DNAH5: variants seen among roughly 807,000 people sequenced by gnomAD.
DNAH5 encodes the protein axonemal beta dynein heavy chain 5.
In DNAH5, 372 loss-of-function variants were observed where a neutral mutation model predicts 518.2. The ratio of observed to expected loss-of-function variants is 0.72; its 90% CI spans 0.66 to 0.78. The LOEUF (loss-of-function observed/expected upper bound fraction) is 0.78. Ranked by LOEUF, DNAH5 falls within the 30% of genes least tolerant of loss-of-function variation. The pLI, the probability that DNAH5 is intolerant of heterozygous loss-of-function variation, is 0.00. For synonymous variants in DNAH5, 2,039 were observed against 2,025.9 expected (o/e 1.01, Z -0.17); for missense variants, 5,523 against 5,687.0 (o/e 0.97, Z 0.93).
chr5:13,829,710 C>A lies in DNAH5; in HGVS notation c.6250-6G>T. On this transcript the variant is annotated splice_region_variant and splice_polypyrimidine_tract_variant and intron_variant, in intron 37 of 78. Transcript: ENST00000265104. ...CGTCCGGCATAGCCAGGATTCTAAA[C>A]AGAAAATAAAGCCCAAGGATGAATG... is the stretch of plus-strand genomic sequence containing the variant. 1.2e-6 allele frequency: 2 copies of A among 1,613,610 alleles called. No individual in the cohort carries two copies. The highest frequency in any genetic ancestry group is 1.7e-6 in the Non-Finnish European group (2 of 1,179,532).
At position 13,871,705 on chromosome 5, in the gene DNAH5, C is replaced by CT; in HGVS notation, c.3456dup (p.Glu1153ArgfsTer5). On this transcript the variant is annotated frameshift_variant, in exon 23 of 79. Transcript: ENST00000265104. LOFTEE classifies it high-confidence loss of function. ...GTAATAAATGTCTTAATGGCTTCTT[C>CT]TTTTCCCTTTTGCCAAATGTGATTG... is the stretch of plus-strand genomic sequence containing the variant. The CT allele has an allele frequency of 6.2e-7, 1 of 1,613,688 alleles. No homozygotes were observed. The highest frequency in any genetic ancestry group is 1.1e-5 in the South Asian group (1 of 91,070).
intron 53 of DNAH5, among the ~76,000 whole-genome samples, chr5:13,779,289 C>T (rs1449493571): frequency 6.6e-6 from 1 of 152,142 alleles, no homozygotes; most frequent in African/African-American, 2.4e-5. Flanking sequence ...TTCTCTCTGT[C>T]CCAGTACTTG....
chr5:13,844,749 T>A (rs988437803), intron 32 of DNAH5, 88 bp downstream of exon 32: 2 of 1,564,828 alleles, frequency 1.3e-6, no homozygotes, highest in African/African-American at 2.7e-5. Flanking sequence ...GCAACCCTTG[T>A]TATAAACCCG....
At chr5:13,914,787 T>G (rs1034766426) in intron 9 of DNAH5, 145 bp from the exon 10 acceptor site, 1 of 790,920 alleles carries the variant, frequency 1.3e-6, no homozygotes, top group Non-Finnish European at 2.0e-6. Flanking sequence ...ATCACAGTTA[T>G]AATCCACCAA....
intron 2 of DNAH5, among the ~76,000 whole-genome samples, chr5:13,930,438 G>A (rs12659172): frequency 0.25 from 37,797 of 151,870 alleles, 5,350 homozygotes; most frequent in East Asian, 0.6. Flanking sequence ...AATTCCCAAC[G>A]GTGTGGCACC....
chr5:13,930,277 G>A (rs989354431), intron 2 of DNAH5, among the ~76,000 whole-genome samples: 8 of 152,056 alleles, frequency 5.3e-5, no homozygotes, highest in Admixed American at 2.0e-4. Flanking sequence ...TCAACATTTC[G>A]TTAACATGAT....
At chr5:13,772,880 A>G (rs1753543492) in intron 55 of DNAH5, among the ~76,000 whole-genome samples, 1 of 152,216 alleles carries the variant, frequency 6.6e-6, no homozygotes, top group Non-Finnish European at 1.5e-5. Context: ...TTAATTCAGA[A>G]TCAATATCCT....
intron 76 of DNAH5, among the ~76,000 whole-genome samples, chr5:13,705,444 C>T (rs10042183): frequency 0.39 from 58,493 of 151,796 alleles, 11,337 homozygotes; most frequent in Middle Eastern, 0.44. Context: ...ACATGTAGCA[C>T]ACCATAAATA....
Position 13,770,911 on chromosome 5 carries a change from C to A in DNAH5, c.9443G>T (p.Cys3148Phe). The A allele has an allele frequency of 6.2e-7, 1 of 1,614,130 alleles. No homozygotes were observed. Among genetic ancestry groups the A allele is most frequent in the Non-Finnish European group, 8.5e-7 (1 of 1,180,004 alleles). ...SLEIKKEVVQ[C>F]MGSFQDGVAE... Reference sequence around the variant, plus strand: ...CACCCCATCCTGGAAGGAGCCCATGCATTGGACCACCTCCTTCTTGATTTC... The same window carrying A: ...CACCCCATCCTGGAAGGAGCCCATGAATTGGACCACCTCCTTCTTGATTTC... The change falls in exon 56 of 79, where the codon TGC (cysteine) becomes TTC (phenylalanine). Residue 3148 changes from cysteine to phenylalanine, a missense_variant. Coordinates refer to ENST00000265104, the MANE Select transcript of DNAH5 (RefSeq NM_001369.3).
upstream of DNAH5, among the ~76,000 whole-genome samples, chr5:13,946,473 A>G (rs1779933181): frequency 6.6e-6 from 1 of 152,182 alleles, no homozygotes; most frequent in South Asian, 2.1e-4. Context: ...CCAAGGCTGA[A>G]TTTACAACAG....
At chr5:13,903,366 C>T (rs1580818258) in intron 12 of DNAH5, among the ~76,000 whole-genome samples, 1 of 151,660 alleles carries the variant, frequency 6.6e-6, no homozygotes, top group East Asian at 1.9e-4. Context: ...TAAGGTGTAA[C>T]ATATGTCTAT....
chr5:13,973,466 T>A (rs1056769161), intron 1 of DNAH5, among the ~76,000 whole-genome samples: 2 of 152,130 alleles, frequency 1.3e-5, no homozygotes, highest in African/African-American at 4.8e-5. Context: ...CTCGAACCCA[T>A]GAGATGGGTG....
chr5:13,720,925 AT>A (rs996313567), intron 71 of DNAH5, 74 bp downstream of exon 71: 4 of 1,599,854 alleles, frequency 2.5e-6, no homozygotes, highest in Non-Finnish European at 2.6e-6. Context: ...AATGATTTAT[AT>A]TTTTCTTCTG....
chr5:13,921,769 C>T (rs557125618), intron 5 of DNAH5, among the ~76,000 whole-genome samples: 84 of 144,094 alleles, frequency 5.8e-4, no homozygotes, highest in African/African-American at 2.0e-3. Flanking sequence ...CACACACACA[C>T]ACTTCAGTTC....
At chr5:13,987,376 A>G (rs1437680422) in intron 1 of DNAH5, among the ~76,000 whole-genome samples, 1 of 152,062 alleles carries the variant, frequency 6.6e-6, no homozygotes, top group African/African-American at 2.4e-5. Context: ...AATGTAATAT[A>G]TACTAAATTA....
chr5:14,003,043 G>A (rs1561071315), intron 1 of DNAH5, among the ~76,000 whole-genome samples: 1 of 152,094 alleles, frequency 6.6e-6, no homozygotes, highest in Admixed American at 6.5e-5. Context: ...ATGCTTTGAA[G>A]CAAAAAGGTT....
chr5:13,953,345 G>A (rs980260397), intron 1 of DNAH5, among the ~76,000 whole-genome samples: 4 of 152,080 alleles, frequency 2.6e-5, no homozygotes, highest in Admixed American at 2.6e-4. Context: ...CCTTGTTCCT[G>A]CTTCCAAAAG....
At chr5:13,835,269 ACTT>A (rs1764216371) in intron 35 of DNAH5, among the ~76,000 whole-genome samples, 1 of 137,740 alleles carries the variant, frequency 7.3e-6, no homozygotes, top group Non-Finnish European at 1.6e-5. Context: ...ACAGAGTGAG[ACTT>A]CTTCTCAAAA....
intron 40 of DNAH5, 26 bp from the exon 41 acceptor site, chr5:13,820,525 T>A: frequency 6.2e-7 from 1 of 1,612,856 alleles, no homozygotes; most frequent in Non-Finnish European, 8.5e-7. Context: ...AATCCCCACA[T>A]TGAAACACAA....
Sources: allele counts gnomAD v4.1 joint callset (sites outside exome capture counted in the v4.1 genomes callset), GRCh38; gene constraint gnomAD v4.1.1; transcripts MANE v1.5; gene names NCBI Gene and HGNC (gene_info 2026-07-23, HGNC 2026-07-21).